Variants in GARNL3 observed in about 807,000 individuals in gnomAD.
The protein encoded by GARNL3 is GTPase-activating Rap/Ran-GAP domain-like protein 3.
Under a neutral mutation model 125.0 loss-of-function variants are expected in GARNL3, and 63 were observed. That is an observed-to-expected ratio of 0.50 (90% CI 0.41 to 0.62). The LOEUF (loss-of-function observed/expected upper bound fraction) is 0.62, where lower values mean the gene tolerates loss of function less well. Ranked by LOEUF, GARNL3 falls within the 20% of genes least tolerant of loss-of-function variation. GARNL3 has a pLI of 0.00. For synonymous variants in GARNL3, 439 were observed against 457.5 expected (o/e 0.96, Z 0.52); for missense variants, 994 against 1,244.0 (o/e 0.80, Z 3.02).
At chr9:127,225,375 C>G in intron 1 of GARNL3, 1 of 984,490 alleles carries the variant, frequency 1.0e-6, no homozygotes, top group Non-Finnish European at 1.2e-6. Flanking sequence ...GGCGCTGCGG[C>G]GCAGGGGGTG....
intron 27 of GARNL3, among the ~76,000 whole-genome samples, chr9:127,391,533 A>AAAAAAAAAAAAAAAAAAAAAAATATAT: frequency 1.0e-3 from 78 of 75,734 alleles, no homozygotes; most frequent in Middle Eastern, 8.1e-3. Flanking sequence ...ACAAAAAAAA[A>AAAAAAAAAAAAAAAAAAAAAAATATAT]ATATATATAT....
chr9:127,237,731 T>C (rs1244574217), intron 1 of GARNL3, among the ~76,000 whole-genome samples: 1 of 152,218 alleles, frequency 6.6e-6, no homozygotes, highest in Non-Finnish European at 1.5e-5. Flanking sequence ...CCAGCCTCAG[T>C]TGGGTGCTTG....
chr9:127,300,378 C>A (rs1446769987), intron 2 of GARNL3: 4 of 315,382 alleles, frequency 1.3e-5, no homozygotes, highest in African/African-American at 2.3e-5. Context: ...TTTTATTTGA[C>A]CCCTTTCACC....
chr9:127,333,260 T>C (rs1343154915), intron 9 of GARNL3, 139 bp downstream of exon 9: 2 of 657,142 alleles, frequency 3.0e-6, no homozygotes, highest in East Asian at 2.7e-5. Flanking sequence ...CCACACCCTG[T>C]TCAACATAGA....
In GARNL3 at chr9:127,243,745, C is replaced by G. The variant is rs954818061; in HGVS notation, c.143+496C>G. Among the ~76,000 whole-genome samples, 31 of 152,208 alleles carry G rather than the reference C, an allele frequency of 2.0e-4. 2 individuals are homozygous for G. In the South Asian group the frequency reaches 6.2e-3, roughly 31 times the overall value. ...AATACAAAATAAATTTTAATAATAACTAGAATAGAATTAATACATCAGTAG... is the reference window on the plus strand; with the variant it reads ...AATACAAAATAAATTTTAATAATAAGTAGAATAGAATTAATACATCAGTAG... On this transcript the variant is annotated intron_variant, in intron 2 of 10. Coordinates refer to the GARNL3 transcript ENST00000439286.
At chr9:127,244,081 T>C (rs1004960575) in intron 2 of GARNL3, among the ~76,000 whole-genome samples, 1 of 152,220 alleles carries the variant, frequency 6.6e-6, no homozygotes, top group Non-Finnish European at 1.5e-5. Flanking sequence ...AGTGGGACTT[T>C]AAAAATCATT....
At chr9:127,285,320 G>A (rs2064217810) in intron 1 of GARNL3, among the ~76,000 whole-genome samples, 1 of 152,188 alleles carries the variant, frequency 6.6e-6, no homozygotes, top group African/African-American at 2.4e-5. Context: ...AATCGCAGGA[G>A]ACTGAGGCAG....
intron 4 of GARNL3, 121 bp from the exon 5 acceptor site, chr9:127,317,942 C>A: frequency 1.3e-6 from 1 of 750,346 alleles, no homozygotes. Context: ...TATTCATATA[C>A]ATTCCCCTTG....
intron 14 of GARNL3, among the ~76,000 whole-genome samples, chr9:127,342,892 CTTT>C (rs59554997): frequency 7.4e-5 from 6 of 81,602 alleles, no homozygotes; most frequent in Non-Finnish European, 1.0e-4. Flanking sequence ...GTGCTCTTTT[CTTT>C]TTTTTTTTTT....
Position 127,393,236 on chromosome 9 carries a change from C to T in GARNL3, c.3024C>T (p.Asp1008=). 1 of 1,611,246 alleles carries T rather than the reference C, an allele frequency of 6.2e-7. No homozygotes were observed. Among genetic ancestry groups the T allele is most frequent in the Non-Finnish European group, 8.5e-7 (1 of 1,177,700 alleles). Residue 1008 remains aspartate, a synonymous_variant, in exon 28 of 28, where the codon GAC becomes GAT. Transcript: ENST00000373387. The stretch of plus-strand genomic sequence containing the variant: ...AGCTCACGGCTTTCTCCGATGAAGA[C>T]ATTATAGACTTGAAGTAACAGAGTT... ...PFQLTAFSDE[D]IIDLK
At chr9:127,355,644 C>T (rs984543889) in intron 20 of GARNL3, among the ~76,000 whole-genome samples, 172 bp downstream of exon 20, 1 of 152,222 alleles carries the variant, frequency 6.6e-6, no homozygotes, top group African/African-American at 2.4e-5. Context: ...AGCTAAAGCT[C>T]ATTCATTCCA....
intron 6 of GARNL3, 124 bp from the exon 7 acceptor site, chr9:127,324,945 A>C: frequency 9.9e-7 from 1 of 1,008,214 alleles, no homozygotes; most frequent in South Asian, 1.4e-5. Context: ...AGCTCCTATA[A>C]CCAACTTTTA....
intron 17 of GARNL3, among the ~76,000 whole-genome samples, chr9:127,350,255 C>T (rs746444287): frequency 3.9e-5 from 6 of 152,006 alleles, no homozygotes; most frequent in Non-Finnish European, 5.9e-5. Context: ...CTCTATGAGC[C>T]TCGAGTTTCT....
chr9:127,321,175 C>T (rs1349460497), intron 6 of GARNL3, among the ~76,000 whole-genome samples: 1 of 152,092 alleles, frequency 6.6e-6, no homozygotes, highest in Non-Finnish European at 1.5e-5. Context: ...CTCTTGTGGC[C>T]CAGGCTAGAG....
chr9:127,387,164 G>T, intron 24 of GARNL3, 29 bp from the exon 25 acceptor site: 1 of 1,601,710 alleles, frequency 6.2e-7, no homozygotes, highest in Non-Finnish European at 8.5e-7. Flanking sequence ...ACACCAGGCA[G>T]CCCGGTAATG....
At chr9:127,233,626 G>A (rs775312474) in intron 1 of GARNL3, among the ~76,000 whole-genome samples, 1 of 152,170 alleles carries the variant, frequency 6.6e-6, no homozygotes, top group African/African-American at 2.4e-5. Flanking sequence ...TGTGGGTGCA[G>A]AGCCCTACCA....
At chr9:127,253,655 G>T (rs1013884753) in intron 2 of GARNL3, among the ~76,000 whole-genome samples, 2 of 152,196 alleles carry the variant, frequency 1.3e-5, no homozygotes, top group East Asian at 3.8e-4. Flanking sequence ...GAGAAAGGCA[G>T]TATGGCTGGA....
chr9:127,316,989 A>C (rs142065542), intron 4 of GARNL3, among the ~76,000 whole-genome samples: 3 of 152,230 alleles, frequency 2.0e-5, no homozygotes, highest in African/African-American at 7.2e-5. Context: ...TTTTATTACT[A>C]ATCAAAGTCA....
chr9:127,334,274 T>C (rs1441399520), intron 9 of GARNL3, among the ~76,000 whole-genome samples: 1 of 152,180 alleles, frequency 6.6e-6, no homozygotes, highest in Non-Finnish European at 1.5e-5. Flanking sequence ...CTTTTCCCTT[T>C]GTTTCTGTTT....
Sources: gnomAD v4.1 joint callset for allele counts (sites outside exome capture counted in the v4.1 genomes callset) on GRCh38, gnomAD v4.1.1 for gene constraint, MANE v1.5 for transcripts, NCBI Gene and HGNC (gene_info 2026-07-23, HGNC 2026-07-21) for gene names.